Variants in MYH9 observed in about 807,000 individuals in gnomAD.
MYH9 encodes the protein myosin heavy chain 9.
In MYH9, 29 loss-of-function variants were observed where a neutral mutation model predicts 241.9. The ratio of observed to expected loss-of-function variants is 0.12; its 90% CI spans 0.09 to 0.16. MYH9 has a LOEUF of 0.16. Among genes scored for constraint, MYH9 ranks in the 10% least tolerant of loss-of-function variants. The pLI, the probability that MYH9 is intolerant of heterozygous loss-of-function variation, is 1.00. For synonymous variants in MYH9, 1,047 were observed against 1,062.6 expected, an observed-to-expected ratio of 0.99 and a Z score of 0.29; for missense variants, 1,803 against 2,595.5, an observed-to-expected ratio of 0.69 and a Z score of 6.63.
At position 36,293,810 on chromosome 22, in the gene MYH9, G is replaced by C. The variant is rs1351011634; in HGVS notation, c.3891C>G (p.Ser1297Arg). ...GLLSQSDSKS[S>R]KLTKDFSALE... ...GCGCGGAGAAGTCCTTGGTGAGCTT[G>C]CTGGACTTGCTGTCGGACTGGCTGA... Residue 1297 changes from serine (S) to arginine (R), a missense_variant, in exon 29 of 41, where the codon AGC becomes AGG. This residue lies in a region of MYH9 where 876 missense variants were observed against 1,077.8 expected (regional missense o/e 0.81). Coordinates refer to ENST00000216181, the MANE Select transcript of MYH9 (RefSeq NM_002473.6). The surrounding 1 kb of genome is among the most constrained non-coding windows in gnomAD (Gnocchi z 5.1). 1 of 1,613,866 alleles carries C rather than the reference G, an allele frequency of 6.2e-7. No homozygotes were observed. Among genetic ancestry groups the C allele is most frequent in the African/African-American group, 1.3e-5 (1 of 74,928 alleles).
chr22:36,306,345 G>A lies in MYH9; in HGVS notation c.2037+69C>T. ...GGGCTGGAGGGGTGCTTTTGCTGGG[G>A]AGACAGACAAGGGCTGAGCACCCCA... On this transcript the variant is annotated intron_variant, in intron 16 of 40. Coordinates refer to ENST00000216181, the MANE Select transcript of MYH9 (RefSeq NM_002473.6). The surrounding 1 kb of genome is among the most constrained non-coding windows in gnomAD (Gnocchi z 4.1). 6.3e-7 allele frequency: 1 copy of A among 1,586,828 alleles called. No individual in the cohort carries two copies. Among genetic ancestry groups the A allele is most frequent in the Non-Finnish European group, 8.6e-7 (1 of 1,161,402 alleles).
chr22:36,363,351 A>G (rs1007767357), intron 1 of MYH9, among the ~76,000 whole-genome samples: 1 of 152,182 alleles, frequency 6.6e-6, no homozygotes, highest in Non-Finnish European at 1.5e-5. Flanking sequence ...GAGAGCATCA[A>G]TGCTTGTTGA....
In MYH9 at chr22:36,300,661, A is replaced by T. The variant is rs1452177619; in HGVS notation, c.2838+190T>A. Among the ~76,000 whole-genome samples, 1 of 152,160 alleles carries T rather than the reference A, an allele frequency of 6.6e-6. No homozygotes were observed. The highest frequency in any genetic ancestry group is 6.5e-5 in the Admixed American group (1 of 15,282). On this transcript the variant is annotated intron_variant, in intron 22 of 40. Coordinates refer to ENST00000216181, the MANE Select transcript of MYH9 (RefSeq NM_002473.6). This position sits in a 1 kb window ranked among gnomAD's most constrained non-coding sequence, Gnocchi z 5.0. Reference sequence around the variant, plus strand: ...ATGCTGGCCCAGGCAGTGCTCATGGAGATCTCAGATGCACATGTCACAAAC... The same window carrying T: ...ATGCTGGCCCAGGCAGTGCTCATGGTGATCTCAGATGCACATGTCACAAAC...
chr22:36,349,138 C>G lies in MYH9; in HGVS notation c.99G>C (p.Trp33Cys), dbSNP rs1603484059. 1 of 1,614,130 alleles carries G rather than the reference C, an allele frequency of 6.2e-7. No individual in the cohort carries two copies. The highest frequency in any genetic ancestry group is 8.5e-7 in the Non-Finnish European group (1 of 1,179,962). The change falls in exon 2 of 41, where the codon TGG (tryptophan) becomes TGC (cysteine). Residue 33 changes from tryptophan (W) to cysteine (C), a missense_variant. Trp to Cys is a radical substitution (Grantham distance 215). Around this residue, in one of 11 missense-constraint regions of MYH9, gnomAD observed 75 missense variants for 79.1 expected, o/e 0.95. Coordinates refer to ENST00000216181, the MANE Select transcript of MYH9 (RefSeq NM_002473.6). ...CAAAGCCACTCTTGTCGGAAGGCAC[C>G]CATACCAGCTTCTTGGCAGCCCAGT... ...QADWAAKKLVWVPSDKSGFEP... is the reference protein window; with the variant it reads ...QADWAAKKLVCVPSDKSGFEP...
intron 19 of MYH9, among the ~76,000 whole-genome samples, chr22:36,303,336 TG>T (rs941055348): frequency 2.0e-5 from 3 of 151,850 alleles, no homozygotes; most frequent in Non-Finnish European, 1.5e-5. Flanking sequence ...CCTGCTCCCC[TG>T]GAATCACAGG....
intron 1 of MYH9, among the ~76,000 whole-genome samples, chr22:36,354,736 A>G (rs1372010552): frequency 3.3e-5 from 5 of 151,526 alleles, no homozygotes; most frequent in Non-Finnish European, 5.9e-5. Flanking sequence ...GAGCCACCGC[A>G]CCCGGCCGTA....
intron 13 of MYH9, 121 bp downstream of exon 13, chr22:36,314,024 C>T (rs1401370274): frequency 3.0e-5 from 39 of 1,305,498 alleles, no homozygotes; most frequent in African/African-American, 5.8e-5. Context: ...CTCCGGGTGG[C>T]ACCAAAAGGA....
intron 39 of MYH9, 55 bp downstream of exon 39, chr22:36,284,347 AC>A (rs2016543264): frequency 6.2e-7 from 1 of 1,605,974 alleles, no homozygotes; most frequent in African/African-American, 1.3e-5. Flanking sequence ...CCTGCCTGTC[AC>A]CCCATCTGCT....
intron 3 of MYH9, among the ~76,000 whole-genome samples, chr22:36,331,053 G>A (rs994554667): frequency 2.0e-5 from 3 of 152,134 alleles, no homozygotes; most frequent in African/African-American, 7.2e-5. Context: ...GTGGAGACAG[G>A]GTTCCTCAGA....
chr22:36,293,185 T>C lies in MYH9; in HGVS notation c.4095+144A>G, dbSNP rs1286284337. The C allele has an allele frequency of 7.4e-6, 7 of 943,018 alleles. No homozygotes were observed. The highest frequency in any genetic ancestry group is 1.6e-5 in the African/African-American group (1 of 61,566). 58.4% of individuals were successfully genotyped at this position (943,018 alleles called of 1,614,324 possible). ...GGATTCCTTTCCTTGAGAGCACTGA[T>C]GTGGGAGAGCACGGTTGGCTTCCCA... On this transcript the variant is annotated intron_variant, in intron 30 of 40. Coordinates refer to ENST00000216181, the MANE Select transcript of MYH9 (RefSeq NM_002473.6). The surrounding 1 kb of genome is among the most constrained non-coding windows in gnomAD (Gnocchi z 5.1).
At chr22:36,292,294 C>G in intron 30 of MYH9, 60 bp from the exon 31 acceptor site, 1 of 1,607,986 alleles carries the variant, frequency 6.2e-7, no homozygotes, top group East Asian at 2.2e-5. Context: ...GTGGCACACC[C>G]GTCCCTGGGG....
intron 2 of MYH9, among the ~76,000 whole-genome samples, chr22:36,346,021 C>A (rs978581892): frequency 5.3e-5 from 8 of 152,124 alleles, no homozygotes; most frequent in Admixed American, 1.3e-4. Context: ...CTGGTGGGCA[C>A]CTGTAGTTGC....
At chr22:36,323,613 A>G (rs554753533) in intron 5 of MYH9, among the ~76,000 whole-genome samples, 3 of 152,082 alleles carry the variant, frequency 2.0e-5, no homozygotes, top group Non-Finnish European at 1.5e-5. Flanking sequence ...CTGGCCTTAC[A>G]AGCACACCTG....
chr22:36,321,409 A>C (rs997853771), intron 7 of MYH9, among the ~76,000 whole-genome samples: 1 of 152,232 alleles, frequency 6.6e-6, no homozygotes, highest in Non-Finnish European at 1.5e-5. Context: ...GCCTTGTCTC[A>C]TTCTTACAGG....
chr22:36,306,557 G>T lies in MYH9; in HGVS notation c.1894C>A (p.Leu632Met), dbSNP rs774818812. 6.2e-7 allele frequency: 1 copy of T among 1,614,014 alleles called. No homozygotes were observed. The highest frequency in any genetic ancestry group is 1.1e-5 in the South Asian group (1 of 91,082). Residue 632 changes from leucine to methionine, a missense_variant, in exon 16 of 41, where the codon CTG becomes ATG. By Grantham distance (15) the Leu-to-Met change is conservative. Coordinates refer to ENST00000216181, the MANE Select transcript of MYH9 (RefSeq NM_002473.6). The surrounding 1 kb of genome is among the most constrained non-coding windows in gnomAD (Gnocchi z 4.1). ...TTCCGCGTCTTGAAGGCCCCGGGCA[G>T]TGCGGTCTCCGACATGCCGGCCACC... Reference protein sequence around the residue: ...DQVAGMSETALPGAFKTRKGM... With the variant: ...DQVAGMSETAMPGAFKTRKGM...
chr22:36,366,245 G>A (rs550171609), intron 1 of MYH9, among the ~76,000 whole-genome samples: 3 of 152,128 alleles, frequency 2.0e-5, no homozygotes, highest in Admixed American at 6.5e-5. Flanking sequence ...ACGACCCACC[G>A]ATGAATCTCA....
At chr22:36,284,363 A>G (rs751788882) in intron 39 of MYH9, 40 bp downstream of exon 39, 1 of 1,608,218 alleles carries the variant, frequency 6.2e-7, no homozygotes, top group Non-Finnish European at 8.5e-7. Flanking sequence ...TCTGCTGCCC[A>G]GCCCCGCTGC....
intron 1 of MYH9, among the ~76,000 whole-genome samples, chr22:36,355,040 TG>T (rs879424042): frequency 1.4e-4 from 20 of 146,354 alleles, no homozygotes; most frequent in Non-Finnish European, 3.0e-4. Context: ...CCCGAGCTCC[TG>T]TGGGAATGGG....
chr22:36,333,856 G>T (rs2017458967), intron 3 of MYH9, among the ~76,000 whole-genome samples: 1 of 152,180 alleles, frequency 6.6e-6, no homozygotes, highest in Non-Finnish European at 1.5e-5. Context: ...TCACCAGGCA[G>T]CAAGAGAACT....
Sources: allele counts gnomAD v4.1 joint callset (sites outside exome capture counted in the v4.1 genomes callset), GRCh38; gene constraint gnomAD v4.1.1; regional missense constraint gnomAD v4.1.1; non-coding constraint Gnocchi (gnomAD v3.1); transcripts MANE v1.5; gene names NCBI Gene and HGNC (gene_info 2026-07-23, HGNC 2026-07-21).